The following ASCC3 variants were observed in gnomAD, a reference collection of about 807,000 sequenced individuals.
The protein encoded by ASCC3 is activating signal cointegrator 1 complex subunit 3.
In ASCC3, 158 loss-of-function variants were observed where a neutral mutation model predicts 256.3. The observed-to-expected ratio is 0.62, with a 90% CI of 0.54 to 0.70. The LOEUF is 0.70. Among genes scored for constraint, ASCC3 ranks in the 30% least tolerant of loss-of-function variants. The pLI is 0.00. For synonymous variants in ASCC3, 948 were observed against 883.4 expected (o/e 1.07, Z -1.30); for missense variants, 2,259 against 2,626.0 (o/e 0.86, Z 3.05).
chr6:100,682,005 G>A (rs953514016), intron 13 of ASCC3, among the ~76,000 whole-genome samples: 29 of 151,954 alleles, frequency 1.9e-4, no homozygotes, highest in African/African-American at 6.5e-4. Context: ...TTATAATAAT[G>A]CCCTGCTGAA....
intron 4 of ASCC3, among the ~76,000 whole-genome samples, chr6:100,809,589 G>A (rs1770360916): frequency 6.6e-6 from 1 of 152,042 alleles, no homozygotes; most frequent in East Asian, 1.9e-4. Flanking sequence ...TTCTGGTATA[G>A]TGAATACCAA....
intron 10 of ASCC3, among the ~76,000 whole-genome samples, chr6:100,753,314 AC>A (rs1554225149): frequency 1.5e-4 from 7 of 45,994 alleles, no homozygotes; most frequent in African/African-American, 2.8e-4. Context: ...GCAAAACAAA[AC>A]AAAACATTTA....
intron 4 of ASCC3, among the ~76,000 whole-genome samples, chr6:100,808,960 C>T (rs1770323223): frequency 6.6e-6 from 1 of 151,718 alleles, no homozygotes; most frequent in Non-Finnish European, 1.5e-5. Flanking sequence ...TAAACACGGA[C>T]AAGATACAGT....
At chr6:100,860,211 C>A (rs1773154888) in intron 3 of ASCC3, among the ~76,000 whole-genome samples, 1 of 151,984 alleles carries the variant, frequency 6.6e-6, no homozygotes, top group African/African-American at 2.4e-5. Flanking sequence ...GACAAAGTTT[C>A]ATTGCCAACA....
intron 39 of ASCC3, among the ~76,000 whole-genome samples, chr6:100,514,348 T>C (rs553562837): frequency 1.2e-4 from 18 of 152,224 alleles, no homozygotes; most frequent in South Asian, 6.2e-4. Context: ...TTAAGGGGAC[T>C]TAAAAACACA....
chr6:100,725,187 A>G (rs1272050482), intron 11 of ASCC3, among the ~76,000 whole-genome samples: 1 of 152,068 alleles, frequency 6.6e-6, no homozygotes, highest in Non-Finnish European at 1.5e-5. Context: ...AGGTCAAAAA[A>G]TAAGTGTTCA....
chr6:100,606,946 A>C lies in ASCC3; in HGVS notation c.4923+5T>G, dbSNP rs1451460714. Reference sequence around the variant, plus strand: ...AATATGTGTTCACTGGAGAAAAAAAAGTACCTGAACTTTACAGTTTACAAA... The same window carrying C: ...AATATGTGTTCACTGGAGAAAAAAACGTACCTGAACTTTACAGTTTACAAA... On this transcript the variant is annotated splice_donor_5th_base_variant and intron_variant, in intron 31 of 41. Transcript: ENST00000369162. The C allele has an allele frequency of 2.5e-6, 4 of 1,613,252 alleles. No homozygotes were observed. Among genetic ancestry groups the C allele is most frequent in the Non-Finnish European group, 2.5e-6 (3 of 1,179,594 alleles).
At chr6:100,724,794 G>A (rs911672895) in intron 11 of ASCC3, among the ~76,000 whole-genome samples, 10 of 151,906 alleles carry the variant, frequency 6.6e-5, no homozygotes, top group African/African-American at 2.4e-4. Context: ...GAGTGAGAAA[G>A]GAAACTGGTG....
intron 8 of ASCC3, 127 bp downstream of exon 8, chr6:100,798,586 A>G: frequency 7.1e-7 from 1 of 1,405,948 alleles, no homozygotes; most frequent in Non-Finnish European, 9.8e-7. Flanking sequence ...TTCTCTAGTA[A>G]CCAACTATAT....
intron 37 of ASCC3, among the ~76,000 whole-genome samples, chr6:100,520,765 T>A (rs1255503242): frequency 6.6e-6 from 1 of 152,206 alleles, no homozygotes; most frequent in African/African-American, 2.4e-5. Flanking sequence ...ATAGCCTAGA[T>A]GTGTAGTGGG....
intron 4 of ASCC3, among the ~76,000 whole-genome samples, chr6:100,826,188 G>A (rs980914082): frequency 2.0e-5 from 3 of 151,812 alleles, no homozygotes; most frequent in South Asian, 2.1e-4. Flanking sequence ...ATGGAGTGCA[G>A]TGGCGTGATC....
intron 10 of ASCC3, among the ~76,000 whole-genome samples, chr6:100,748,571 A>T (rs1322706254): frequency 6.6e-6 from 1 of 152,004 alleles, no homozygotes; most frequent in Non-Finnish European, 1.5e-5. Flanking sequence ...TTAGTTTTGG[A>T]GTTGGAGTTC....
In ASCC3 at chr6:100,516,232, T is replaced by C. The variant is rs771231178; in HGVS notation, c.6023A>G (p.His2008Arg). ...ACTTTCTACCATGGAGCTAAATACA[T>C]GGTCTTTCCCTCCACAGGCATGGAT... The part of the protein sequence containing the change: ...ELIHACGGKD[H>R]VFSSMVESEL... Residue 2008 changes from histidine to arginine, a missense_variant, in exon 39 of 42, where the codon CAT (histidine) becomes CGT (arginine). Around this residue, in one of 2 missense-constraint regions of ASCC3, gnomAD observed 1,839 missense variants for 2,206.7 expected, o/e 0.83. Coordinates refer to ENST00000369162, the MANE Select transcript of ASCC3 (RefSeq NM_006828.4). 5.0e-6 allele frequency: 8 copies of C among 1,613,580 alleles called. No homozygotes were observed. Among genetic ancestry groups the C allele is most frequent in the African/African-American group, 2.7e-5 (2 of 74,848 alleles).
rs1014906766 is a variant in ASCC3 at position 100,843,714 on chromosome 6, T to C, written c.801+4434A>G. 5.3e-5 allele frequency among the ~76,000 whole-genome samples: 8 copies of C among 152,124 alleles called. No individual in the cohort carries two copies. The East Asian group carries it at 1.4e-3, about 26-fold the overall frequency. On this transcript the variant is annotated intron_variant, in intron 4 of 41. Coordinates refer to ENST00000369162, the MANE Select transcript of ASCC3 (RefSeq NM_006828.4). Reference sequence around the variant, plus strand: ...ACTTCAAAAACTTAATCCAAAAGATTTTCTTTAGGGTAGTCAGACATTAAA... The same window carrying C: ...ACTTCAAAAACTTAATCCAAAAGATCTTCTTTAGGGTAGTCAGACATTAAA...
intron 13 of ASCC3, among the ~76,000 whole-genome samples, chr6:100,709,598 T>C (rs920065755): frequency 2.0e-5 from 3 of 152,198 alleles, no homozygotes; most frequent in African/African-American, 2.4e-5. Flanking sequence ...AATTAGAACC[T>C]GAATAAAGAT....
chr6:100,536,407 C>T (rs376019683), intron 37 of ASCC3, among the ~76,000 whole-genome samples: 36 of 152,266 alleles, frequency 2.4e-4, no homozygotes, highest in Middle Eastern at 3.4e-3. Context: ...TGTATACATA[C>T]TTACATTTCC....
intron 5 of ASCC3, among the ~76,000 whole-genome samples, chr6:100,801,113 A>G (rs1049509830): frequency 2.0e-5 from 3 of 152,108 alleles, no homozygotes; most frequent in Non-Finnish European, 2.9e-5. Flanking sequence ...AGTGAATTAA[A>G]TCTCAATGTT....
chr6:100,822,596 C>T (rs1771105097), intron 4 of ASCC3, among the ~76,000 whole-genome samples: 1 of 151,470 alleles, frequency 6.6e-6, no homozygotes, highest in Non-Finnish European at 1.5e-5. Context: ...GAATGAGTGT[C>T]TTGAATTGCT....
intron 14 of ASCC3, among the ~76,000 whole-genome samples, chr6:100,674,693 C>T (rs981242259): frequency 1.4e-5 from 2 of 145,060 alleles, no homozygotes; most frequent in East Asian, 2.1e-4. Flanking sequence ...AGTGCAGTGG[C>T]GCGATCTTGG....
Sources: gnomAD v4.1 joint callset for allele counts (sites outside exome capture counted in the v4.1 genomes callset) on GRCh38, gnomAD v4.1.1 for gene constraint, gnomAD v4.1.1 regional missense constraint, MANE v1.5 for transcripts, NCBI Gene and HGNC (gene_info 2026-07-23, HGNC 2026-07-21) for gene names.